The following SORBS2 variants were observed in gnomAD, a reference collection of about 807,000 sequenced individuals.
The protein encoded by SORBS2 is sorbin and SH3 domain-containing protein 2.
In SORBS2, 46 loss-of-function variants were observed where a neutral mutation model predicts 97.7. That is an observed-to-expected ratio of 0.47 (90% CI 0.37 to 0.60). SORBS2 has a LOEUF of 0.60. Among genes scored for constraint, SORBS2 ranks in the 20% least tolerant of loss-of-function variants. The pLI is 0.00. For synonymous variants in SORBS2, 476 were observed against 473.4 expected (o/e 1.01, Z -0.07); for missense variants, 1,316 against 1,282.3 (o/e 1.03, Z -0.40).
At chr4:185,886,579 G>GAAAAAAAAAAGAAAAGA (rs1554046531) in intron 1 of SORBS2, among the ~76,000 whole-genome samples, 11,083 of 125,100 alleles carry the variant, frequency 0.089, 458 homozygotes, top group African/African-American at 0.11. Flanking sequence ...AAAAAGAAAA[G>GAAAAAAAAAAGAAAAGA]AAAAAAAAAA....
intron 2 of SORBS2, among the ~76,000 whole-genome samples, chr4:185,767,489 G>T (rs1584459554): frequency 1.1e-5 from 1 of 94,050 alleles, no homozygotes; most frequent in East Asian, 3.6e-4. Context: ...GACAGAGTGA[G>T]ACTCTGTCTC....
chr4:185,614,761 A>G, intron 11 of SORBS2, 70 bp downstream of exon 23: 1 of 1,551,042 alleles, frequency 6.4e-7, no homozygotes, highest in South Asian at 1.2e-5. Flanking sequence ...TTTTGAAAAT[A>G]TACAGCCTTT....
At chr4:185,681,533 G>A (rs2097866869) in intron 2 of SORBS2, among the ~76,000 whole-genome samples, 1 of 151,778 alleles carries the variant, frequency 6.6e-6, no homozygotes, top group South Asian at 2.1e-4. Context: ...AGGGGCCAGA[G>A]TCCTTAATTT....
At chr4:185,936,447 G>A (rs552361347) in intron 1 of SORBS2, among the ~76,000 whole-genome samples, 42 of 152,332 alleles carry the variant, frequency 2.8e-4, no homozygotes, top group African/African-American at 7.2e-4. Flanking sequence ...TATAAAGTAC[G>A]TATGGGAACT....
Position 185,622,834 on chromosome 4 carries a change from T to C in SORBS2, c.2215+80A>G, listed in dbSNP as rs915072913. The C allele has an allele frequency of 2.3e-6, 3 of 1,298,122 alleles. No individual in the cohort carries two copies. In the African/African-American group the frequency reaches 4.4e-5, roughly 19 times the overall value. 80.4% of individuals were successfully genotyped at this position (1,298,122 alleles called of 1,614,324 possible). A position where few individuals can be genotyped will look rare whatever the true frequency, so the allele number is the denominator to read the frequency against. ...AAATGGTCTCCCAGCTCGGGAGTGA[T>C]GAGATGTTGGAATGGAAAATGAAAG... On this transcript the variant is annotated intron_variant, in intron 7 of 14. Coordinates refer to ENST00000418609, the Ensembl canonical transcript of SORBS2.
At position 185,932,276 on chromosome 4, in the gene SORBS2, A is replaced by G. The variant is rs539824726; in HGVS notation, c.-338+23920T>C. Among the ~76,000 whole-genome samples, 16 of 151,728 alleles carry G rather than the reference A, an allele frequency of 1.1e-4. No individual in the cohort carries two copies. The South Asian group carries it at 3.4e-3, about 32-fold the overall frequency. ...GAGGGAAAAAAGGATGGATCCCCTGATATACTGAAGAAATCTTGCAAAGGA... is the reference window on the plus strand; with the variant it reads ...GAGGGAAAAAAGGATGGATCCCCTGGTATACTGAAGAAATCTTGCAAAGGA... On this transcript the variant is annotated intron_variant, in intron 1 of 20. Transcript: ENST00000284776.
At chr4:185,787,299 A>G (rs2099060825) in intron 1 of SORBS2, among the ~76,000 whole-genome samples, 2 of 152,214 alleles carry the variant, frequency 1.3e-5, no homozygotes, top group African/African-American at 4.8e-5. Context: ...AATGAATAGC[A>G]GGCTTGACTT....
chr4:185,943,023 T>C (rs1015102099), intron 1 of SORBS2, among the ~76,000 whole-genome samples: 1 of 152,256 alleles, frequency 6.6e-6, no homozygotes, highest in African/African-American at 2.4e-5. Flanking sequence ...CTGTTTGATA[T>C]CATCTATATT....
intron 4 of SORBS2, among the ~76,000 whole-genome samples, chr4:185,634,506 G>T (rs2096961641): frequency 1.3e-5 from 2 of 151,914 alleles, no homozygotes; most frequent in South Asian, 4.1e-4. Flanking sequence ...TAGCAAAACA[G>T]TGCCATTTCT....
At chr4:185,659,478 G>A (rs1013984182), upstream of SORBS2, among the ~76,000 whole-genome samples, 21 of 151,846 alleles carry the variant, frequency 1.4e-4, no homozygotes, top group Middle Eastern at 3.2e-3. Context: ...GTGCAGTGGC[G>A]CGATCTCGGC....
At chr4:185,630,740 T>A (rs1023396033) in intron 4 of SORBS2, 142 bp from the exon 17 acceptor site, 1 of 611,412 alleles carries the variant, frequency 1.6e-6, no homozygotes, top group Admixed American at 3.3e-5. Flanking sequence ...TATAAAAATG[T>A]CTTCCCAAAG....
At chr4:185,775,333 T>A (rs907320967) in exon 2 of SORBS2, 4 of 152,516 alleles carry the variant, frequency 2.6e-5, no homozygotes, top group Non-Finnish European at 5.9e-5. Context: ...GGTCTTGAAC[T>A]CCAGAGGTTT....
chr4:185,880,353 C>A (rs1317885136), intron 1 of SORBS2, among the ~76,000 whole-genome samples: 1 of 152,164 alleles, frequency 6.6e-6, no homozygotes, highest in Non-Finnish European at 1.5e-5. Flanking sequence ...ATATGGTTAG[C>A]AAATGCCTTT....
chr4:185,758,291 A>C (rs1462015665), intron 2 of SORBS2, among the ~76,000 whole-genome samples: 1 of 152,176 alleles, frequency 6.6e-6, no homozygotes, highest in East Asian at 1.9e-4. Context: ...ATATTGTAAA[A>C]TTATCAGGTT....
At chr4:185,626,696 T>C (rs1386036677) in intron 6 of SORBS2, 136 bp downstream of exon 18, 4 of 867,960 alleles carry the variant, frequency 4.6e-6, no homozygotes, top group Non-Finnish European at 7.3e-6. Context: ...AAGGCTATTG[T>C]TCTAAAACTA....
chr4:185,666,555 T>C (rs2097604630), intron 4 of SORBS2, among the ~76,000 whole-genome samples: 1 of 152,164 alleles, frequency 6.6e-6, no homozygotes, highest in African/African-American at 2.4e-5. Context: ...GCAGAATTGG[T>C]TTGTCCTTCA....
chr4:185,827,135 TCATCAC>T (rs2099200616), intron 1 of SORBS2, among the ~76,000 whole-genome samples: 2 of 129,098 alleles, frequency 1.5e-5, no homozygotes, highest in African/African-American at 3.0e-5. Context: ...ATCATCATCA[TCATCAC>T]CATTGCCATC....
At chr4:185,748,296 A>T (rs1389204254) in intron 2 of SORBS2, among the ~76,000 whole-genome samples, 5 of 152,178 alleles carry the variant, frequency 3.3e-5, no homozygotes, top group African/African-American at 9.7e-5. Flanking sequence ...GCTGTGTGTG[A>T]CTGGCTCTGT....
At chr4:185,732,559 G>A (rs1453978212) in intron 2 of SORBS2, among the ~76,000 whole-genome samples, 1 of 152,170 alleles carries the variant, frequency 6.6e-6, no homozygotes, top group African/African-American at 2.4e-5. Flanking sequence ...CAGACATTAG[G>A]CCCCCTCCTG....
Sources: allele counts gnomAD v4.1 joint callset (sites outside exome capture counted in the v4.1 genomes callset), GRCh38; gene constraint gnomAD v4.1.1; transcripts MANE v1.5; gene names NCBI Gene and HGNC (gene_info 2026-07-23, HGNC 2026-07-21).